PRKN: variants seen among roughly 807,000 people sequenced by gnomAD.
PRKN encodes the protein parkin RBR E3 ubiquitin protein ligase, also known as E3 ubiquitin-protein ligase parkin.
Under a neutral mutation model 59.5 loss-of-function variants are expected in PRKN, and 56 were observed. The observed-to-expected ratio is 0.94, with a 90% confidence interval of 0.76 to 1.18. The LOEUF (loss-of-function observed/expected upper bound fraction) is 1.18, where lower values mean the gene tolerates loss of function less well. Ranked by LOEUF, PRKN falls within the 50% of genes most tolerant of loss-of-function variation. The pLI is 0.00. For missense variants in PRKN, 657 were observed against 596.4 expected (o/e 1.10, Z -1.06); for synonymous variants, 250 against 222.1 (o/e 1.13, Z -1.12).
chr6:162,300,727 A>C (rs1781904238), intron 2 of PRKN, among the ~76,000 whole-genome samples: 1 of 152,120 alleles, frequency 6.6e-6, no homozygotes, highest in South Asian at 2.1e-4. Flanking sequence ...CCACATCTTC[A>C]CAGGACCAAC....
intron 7 of PRKN, among the ~76,000 whole-genome samples, chr6:161,607,011 T>G (rs1328903052): frequency 6.6e-6 from 1 of 152,148 alleles, no homozygotes; most frequent in South Asian, 2.1e-4. Flanking sequence ...TGACTGCATG[T>G]TGATTGGTGA....
Position 161,730,307 on chromosome 6 carries a change from G to A in PRKN, c.871+55465C>T, listed in dbSNP as rs577089372. Among the ~76,000 whole-genome samples, 5 of 150,676 alleles carry A rather than the reference G, an allele frequency of 3.3e-5. No homozygotes were observed. The East Asian group carries it at 9.7e-4, about 29-fold the overall frequency. ...CAGATATGTTGCATTCTGATGTGTT[G>A]TATTCTTTCTGGTGTGTTGCATTCT... On this transcript the variant is annotated intron_variant, in intron 7 of 11. Transcript: ENST00000366898.
intron 9 of PRKN, among the ~76,000 whole-genome samples, chr6:161,424,893 G>C (rs1788261740): frequency 6.6e-6 from 1 of 152,152 alleles, no homozygotes; most frequent in South Asian, 2.1e-4. Flanking sequence ...CAGCAGCCAC[G>C]ATGTGGGAAG....
intron 4 of PRKN, among the ~76,000 whole-genome samples, chr6:162,139,320 T>C (rs1019213184): frequency 6.6e-6 from 1 of 152,184 alleles, no homozygotes; most frequent in African/African-American, 2.4e-5. Flanking sequence ...TAAAATTGGG[T>C]GAAAATTTTT....
rs765699603 is a variant in PRKN at position 161,560,078 on chromosome 6, C to T, written c.933+9277G>A. 1.3e-5 allele frequency among the ~76,000 whole-genome samples: 2 copies of T among 152,170 alleles called. No individual in the cohort carries two copies. The highest frequency in any genetic ancestry group is 2.9e-5 in the Non-Finnish European group (2 of 68,024). ...TCAGAGGCTCAAGCTGCCTGTCATT[C>T]TTATCACCCAAACTGTCAGTCCCAT... is the stretch of plus-strand genomic sequence containing the variant. On this transcript the variant is annotated intron_variant, in intron 8 of 11. Coordinates refer to ENST00000366898, the MANE Select transcript of PRKN (RefSeq NM_004562.3). The surrounding 1 kb of genome is among the most constrained non-coding windows in gnomAD (Gnocchi z 4.9).
At chr6:162,343,480 C>T (rs536263605) in intron 2 of PRKN, among the ~76,000 whole-genome samples, 1 of 152,170 alleles carries the variant, frequency 6.6e-6, no homozygotes, top group African/African-American at 2.4e-5. Context: ...TCCTGGTTTC[C>T]CAGAAACAGT....
intron 6 of PRKN, among the ~76,000 whole-genome samples, chr6:161,856,868 A>G (rs1312753255): frequency 6.6e-6 from 1 of 152,180 alleles, no homozygotes; most frequent in African/African-American, 2.4e-5. Flanking sequence ...ATACTGAAAA[A>G]TATTTCTTCC....
chr6:162,183,985 T>C (rs1183029961), intron 4 of PRKN, among the ~76,000 whole-genome samples: 1 of 152,188 alleles, frequency 6.6e-6, no homozygotes, highest in Non-Finnish European at 1.5e-5. Context: ...CTACAATGAA[T>C]GCAGCAGCCT....
rs773338901 is a variant in PRKN at position 161,444,023 on chromosome 6, G to GGAGGC, written c.1084-57151_1084-57147dup. Reference sequence around the variant, plus strand: ...CGATTCAGTGTGCACGAACTAACTAGGAGGCGCCAGGCTTAGGCCTTAGGC... The same window carrying GGAGGC: ...CGATTCAGTGTGCACGAACTAACTAGGAGGCGAGGCGCCAGGCTTAGGCCTTAGGC... On this transcript the variant is annotated intron_variant, in intron 9 of 11. Coordinates refer to ENST00000366898, the MANE Select transcript of PRKN (RefSeq NM_004562.3). The surrounding 1 kb of genome is among the most constrained non-coding windows in gnomAD (Gnocchi z 5.6). Among the ~76,000 whole-genome samples, 174 of 152,340 alleles carry GGAGGC rather than the reference G, an allele frequency of 1.1e-3. 1 individual carries two copies. The highest frequency in any genetic ancestry group is 2.0e-3 in the Non-Finnish European group (138 of 68,038).
rs976840472 is a variant in PRKN at position 161,413,674 on chromosome 6, C to T, written c.1084-26797G>A. 3.9e-5 allele frequency among the ~76,000 whole-genome samples: 6 copies of T among 152,170 alleles called. No individual in the cohort carries two copies. Among genetic ancestry groups the T allele is most frequent in the Admixed American group, 6.5e-5 (1 of 15,280 alleles). On this transcript the variant is annotated intron_variant, in intron 9 of 11. Coordinates refer to ENST00000366898, the MANE Select transcript of PRKN (RefSeq NM_004562.3). This position sits in a 1 kb window ranked among gnomAD's most constrained non-coding sequence, Gnocchi z 4.4. ...AGGGACACCTGAGCACGTCTCAGGG[C>T]GCCTTCTGTTCACAGCTTCCCACAG... is the stretch of plus-strand genomic sequence containing the variant.
At chr6:161,763,696 G>A (rs1314797359) in intron 7 of PRKN, among the ~76,000 whole-genome samples, 3 of 151,986 alleles carry the variant, frequency 2.0e-5, no homozygotes, top group Admixed American at 6.6e-5. Context: ...CCCCCACAAC[G>A]TGCAAAGTGC....
At chr6:161,679,016 A>G (rs974621834) in intron 7 of PRKN, among the ~76,000 whole-genome samples, 2 of 152,220 alleles carry the variant, frequency 1.3e-5, no homozygotes, top group African/African-American at 4.8e-5. Context: ...ACGCACATGC[A>G]TGTGTGTGCA....
intron 1 of PRKN, among the ~76,000 whole-genome samples, chr6:162,696,898 T>G (rs879508907): frequency 6.6e-6 from 1 of 152,132 alleles, no homozygotes; most frequent in Non-Finnish European, 1.5e-5. Context: ...GTTACATTAC[T>G]CATCCATAAA....
At chr6:162,605,469 A>T (rs1025032908) in intron 1 of PRKN, among the ~76,000 whole-genome samples, 16 of 152,160 alleles carry the variant, frequency 1.1e-4, no homozygotes, top group African/African-American at 3.1e-4. Flanking sequence ...GGTATAATTT[A>T]AATAAATTAA....
intron 7 of PRKN, among the ~76,000 whole-genome samples, chr6:161,637,196 G>A (rs953458006): frequency 6.6e-6 from 1 of 152,132 alleles, no homozygotes; most frequent in Non-Finnish European, 1.5e-5. Flanking sequence ...ATGCATGTAG[G>A]AAATGCTTCT....
intron 4 of PRKN, among the ~76,000 whole-genome samples, chr6:162,152,004 C>T (rs1407108341): frequency 2.0e-5 from 3 of 152,114 alleles, no homozygotes; most frequent in Non-Finnish European, 4.4e-5. Context: ...AAATTAGCAG[C>T]AATCCATTAC....
chr6:161,608,513 T>C (rs1184208322), intron 7 of PRKN, among the ~76,000 whole-genome samples: 1 of 151,896 alleles, frequency 6.6e-6, no homozygotes, highest in African/African-American at 2.4e-5. Flanking sequence ...AAGAAAAAAA[T>C]AGCTGGATAG....
At chr6:161,366,274 G>C (rs1334398052) in intron 10 of PRKN, among the ~76,000 whole-genome samples, 1 of 152,168 alleles carries the variant, frequency 6.6e-6, no homozygotes, top group Non-Finnish European at 1.5e-5. Flanking sequence ...CTGAGCTTTG[G>C]TTCCTGTAAG....
At chr6:162,336,864 A>C (rs2128126518) in intron 2 of PRKN, among the ~76,000 whole-genome samples, 1 of 152,322 alleles carries the variant, frequency 6.6e-6, no homozygotes, top group South Asian at 2.1e-4. Context: ...CAAAAATGTG[A>C]GAAGCAGTGC....
Sources: gnomAD v4.1 joint callset for allele counts (sites outside exome capture counted in the v4.1 genomes callset) on GRCh38, gnomAD v4.1.1 for gene constraint, Gnocchi (gnomAD v3.1) non-coding constraint, MANE v1.5 for transcripts, NCBI Gene and HGNC (gene_info 2026-07-23, HGNC 2026-07-21) for gene names.